The following EZR variants were observed in gnomAD, a reference collection of about 807,000 sequenced individuals.
EZR encodes the protein ezrin.
In EZR, 40 loss-of-function variants were observed where a neutral mutation model predicts 74.8. That is an observed-to-expected ratio of 0.53 (90% confidence interval 0.42 to 0.70). The LOEUF (loss-of-function observed/expected upper bound fraction) is 0.70. EZR is among the 30% of genes least tolerant of loss of function. The pLI, the probability that EZR is intolerant of heterozygous loss-of-function variation, is 0.00. For synonymous variants in EZR, 341 were observed against 283.3 expected (o/e 1.20, Z -2.05); for missense variants, 678 against 755.8 (o/e 0.90, Z 1.21).
At position 158,767,363 on chromosome 6, in the gene EZR, G is replaced by A. The variant is rs1037841551; in HGVS notation, c.1494C>T (p.Gly498=). The stretch of plus-strand genomic sequence containing the variant: ...CCTCACTAGACAGCTCCGCGCTGTA[G>A]CCCGTGGGCTCTGCGCCCTCATCCT... The part of the protein sequence containing the change: ...SLQDEGAEPT[G]YSAELSSEGI... Residue 498 remains glycine, a synonymous_variant, in exon 13 of 14, where the codon GGC becomes GGT. Transcript: ENST00000367075. 6.2e-7 allele frequency: 1 copy of A among 1,614,006 alleles called. No individual in the cohort carries two copies.
intron 2 of EZR, among the ~76,000 whole-genome samples, chr6:158,791,105 A>G (rs983888849): frequency 4.6e-5 from 7 of 152,190 alleles, no homozygotes; most frequent in African/African-American, 1.2e-4. Context: ...CCCCGTCCCA[A>G]TAACATTTAA....
At position 158,787,176 on chromosome 6, in the gene EZR, C is replaced by T. The variant is rs1362770303; in HGVS notation, c.124G>A (p.Val42Met). The change falls in exon 4 of 14, where the codon GTG becomes ATG. Residue 42 changes from valine to methionine, a missense_variant. By Grantham distance (21) the Val-to-Met change is conservative (BLOSUM62 1). Coordinates refer to ENST00000367075, the MANE Select transcript of EZR (RefSeq NM_001111077.2). ...QVVKTIGLREVWYFGLHYVDN... is the reference protein window; with the variant it reads ...QVVKTIGLREMWYFGLHYVDN... ...ACATAGTGGAGGCCAAAGTACCACA[C>T]TTCCCGGAGGCCGATAGTCTTTACC... The T allele has an allele frequency of 1.9e-6, 3 of 1,613,380 alleles. No homozygotes were observed. The highest frequency in any genetic ancestry group is 2.2e-5 in the South Asian group (2 of 91,084).
intron 2 of EZR, among the ~76,000 whole-genome samples, chr6:158,792,710 G>C (rs1791777285): frequency 6.6e-6 from 1 of 151,870 alleles, no homozygotes; most frequent in Admixed American, 6.6e-5. Context: ...AGCTACTCGG[G>C]AGGCTGAGGC....
In EZR at chr6:158,783,601, A is replaced by T; in HGVS notation, c.617T>A (p.Phe206Tyr). Reference sequence around the variant, plus strand: ...TGTTCCTTTCTTGTTTTTTATCTCGAAATAGTTGATTCCATACATTTCCAG... The same window carrying T: ...TGTTCCTTTCTTGTTTTTTATCTCGTAATAGTTGATTCCATACATTTCCAG... ...QDLEMYGINY[F>Y]EIKNKKGTDL... Residue 206 changes from phenylalanine to tyrosine, a missense_variant, in exon 7 of 14, where the codon TTC becomes TAC. By Grantham distance (22) the Phe-to-Tyr change is conservative (BLOSUM62 3). Around this residue, in one of 3 missense-constraint regions of EZR, gnomAD observed 119 missense variants for 182.3 expected, o/e 0.65. Coordinates refer to ENST00000367075, the MANE Select transcript of EZR (RefSeq NM_001111077.2). The T allele has an allele frequency of 6.2e-7, 1 of 1,613,912 alleles. No individual in the cohort carries two copies. Among genetic ancestry groups the T allele is most frequent in the South Asian group, 1.1e-5 (1 of 91,070 alleles).
In EZR at chr6:158,803,571, A is replaced by C. The variant is rs1414723852; in HGVS notation, c.13-14200T>G. ...TATATATATATATATATATATATAT[A>C]TATATATATACATATATATATATAT... is the stretch of plus-strand genomic sequence containing the variant. On this transcript the variant is annotated intron_variant, in intron 2 of 13. Coordinates refer to ENST00000367075, the MANE Select transcript of EZR (RefSeq NM_001111077.2). Among the ~76,000 whole-genome samples, 2 of 6,222 alleles carry C rather than the reference A, an allele frequency of 3.2e-4. 1 individual carries two copies. The highest frequency in any genetic ancestry group is 1.3e-3 in the African/African-American group (2 of 1,526). The allele number at this position is 6,222 out of a possible 152,430, so 4.1% of individuals were successfully genotyped here. A position where few individuals can be genotyped will look rare whatever the true frequency, so the allele number is the denominator to read the frequency against.
intron 7 of EZR, among the ~76,000 whole-genome samples, chr6:158,779,909 C>A (rs1401505221): frequency 9.4e-6 from 1 of 106,924 alleles, no homozygotes; most frequent in Non-Finnish European, 1.9e-5. Context: ...ATGGGCCAGG[C>A]ATGGTGGCTT....
rs983642702 is a variant in EZR, at chr6:158,819,310, G to A, written c.-74+7C>T. The A allele has an allele frequency of 6.6e-6, 1 of 151,790 alleles. No homozygotes were observed. Among genetic ancestry groups the A allele is most frequent in the African/African-American group, 2.4e-5 (1 of 41,128 alleles). The allele number at this position is 151,790 out of a possible 1,614,324, so 9.4% of individuals were successfully genotyped here. A position where few individuals can be genotyped will look rare whatever the true frequency, so the allele number is the denominator to read the frequency against. Reference sequence around the variant, plus strand: ...CCCGTCCCGACCCCGGCCGCCGCACGCCTCACCCGGCGCCTGCAGTGCTCC... The same window carrying A: ...CCCGTCCCGACCCCGGCCGCCGCACACCTCACCCGGCGCCTGCAGTGCTCC... On this transcript the variant is annotated splice_region_variant and intron_variant, in intron 1 of 13. Transcript: ENST00000367075.
chr6:158,767,169 G>A, intron 13 of EZR, 91 bp from the exon 14 acceptor site: 1 of 1,583,240 alleles, frequency 6.3e-7, no homozygotes, highest in Non-Finnish European at 8.6e-7. Flanking sequence ...GAGGGGTGCT[G>A]GGTGGGGCTG....
chr6:158,814,710 T>C (rs1231694239), intron 2 of EZR, among the ~76,000 whole-genome samples: 2 of 151,942 alleles, frequency 1.3e-5, no homozygotes, highest in African/African-American at 4.8e-5. Flanking sequence ...GCCCGGCTAA[T>C]TTTTGTATTT....
At chr6:158,768,334 G>A (rs1460110489) in intron 12 of EZR, among the ~76,000 whole-genome samples, 1 of 152,086 alleles carries the variant, frequency 6.6e-6, no homozygotes, top group East Asian at 1.9e-4. Context: ...GTGGGACTGT[G>A]AGTCAATTAA....
rs185899341 is a variant in EZR, at chr6:158,782,491, G to A, written c.698+1029C>T. 7.9e-5 allele frequency among the ~76,000 whole-genome samples: 12 copies of A among 152,342 alleles called. No homozygotes were observed. In the East Asian group the frequency reaches 1.5e-3, roughly 20 times the overall value. ...CTGTCATTTCAAGGAACAGCATGAG[G>A]CTGGGAAGGAAACCGGTACATCCAG... On this transcript the variant is annotated intron_variant, in intron 7 of 13. Transcript: ENST00000367075.
At position 158,793,918 on chromosome 6, in the gene EZR, C is replaced by G. The variant is rs538473207; in HGVS notation, c.13-4547G>C. 4.6e-5 allele frequency among the ~76,000 whole-genome samples: 7 copies of G among 152,328 alleles called. No homozygotes were observed. In the East Asian group the frequency reaches 1.3e-3, roughly 29 times the overall value. ...TCACCAAAATTTAAAATGAGACATTCACTGAGATGACAGGACCATTTACAT... is the reference window on the plus strand; with the variant it reads ...TCACCAAAATTTAAAATGAGACATTGACTGAGATGACAGGACCATTTACAT... On this transcript the variant is annotated intron_variant, in intron 2 of 13. Coordinates refer to ENST00000367075, the MANE Select transcript of EZR (RefSeq NM_001111077.2).
intron 2 of EZR, among the ~76,000 whole-genome samples, chr6:158,796,705 G>A (rs1437041804): frequency 6.6e-6 from 1 of 152,232 alleles, no homozygotes; most frequent in Non-Finnish European, 1.5e-5. Context: ...GGGGTTTTCT[G>A]TTTCTTCCTT....
Position 158,807,997 on chromosome 6 carries a change from T to TA in EZR, c.12+10084dup, listed in dbSNP as rs1254663517. The stretch of plus-strand genomic sequence containing the variant: ...GTCAACCAAGCAGGTGATAATCCTT[T>TA]AAAAGCCTCTTTTTGTTCACCAATG... On this transcript the variant is annotated intron_variant, in intron 2 of 13. Transcript: ENST00000367075. 2.0e-5 allele frequency among the ~76,000 whole-genome samples: 3 copies of TA among 152,230 alleles called. No individual in the cohort carries two copies. The East Asian group carries it at 5.8e-4, about 29-fold the overall frequency.
At chr6:158,814,265 G>A (rs1777505358) in intron 2 of EZR, among the ~76,000 whole-genome samples, 1 of 152,100 alleles carries the variant, frequency 6.6e-6, no homozygotes, top group African/African-American at 2.4e-5. Flanking sequence ...TCCTCCCTGT[G>A]GAGTGCTGCC....
chr6:158,770,309 G>C (rs955663570), intron 10 of EZR, among the ~76,000 whole-genome samples: 1 of 152,232 alleles, frequency 6.6e-6, no homozygotes, highest in Admixed American at 6.5e-5. Context: ...AGTGAATACA[G>C]CATCTGTGGC....
At position 158,771,325 on chromosome 6, in the gene EZR, C is replaced by T. The variant is rs775538153; in HGVS notation, c.878G>A (p.Arg293His). ...LCMGNHELYM[R>H]RRKPDTIEVQ... ...CTCGATGGTGTCAGGCTTCCTGCGG[C>T]GCATATACAACTCATGGTTGCCCAT... Residue 293 changes from arginine (R) to histidine (H), a missense_variant, in exon 9 of 14, where the codon CGC becomes CAC. Transcript: ENST00000367075. The T allele has an allele frequency of 1.1e-5, 17 of 1,614,222 alleles. No individual in the cohort carries two copies. Among genetic ancestry groups the T allele is most frequent in the East Asian group, 4.5e-5 (2 of 44,886 alleles).
intron 2 of EZR, among the ~76,000 whole-genome samples, chr6:158,807,039 G>A (rs937848422): frequency 6.6e-6 from 1 of 152,188 alleles, no homozygotes; most frequent in African/African-American, 2.4e-5. Context: ...CAGGCCAGGC[G>A]CAGTGGCTCA....
chr6:158,786,499 T>G (rs1791585811), intron 4 of EZR, among the ~76,000 whole-genome samples: 1 of 152,218 alleles, frequency 6.6e-6, no homozygotes, highest in African/African-American at 2.4e-5. Context: ...AGAACTCAAA[T>G]TTGGAAATGA....
Sources: allele counts gnomAD v4.1 joint callset (sites outside exome capture counted in the v4.1 genomes callset), GRCh38; gene constraint gnomAD v4.1.1; regional missense constraint gnomAD v4.1.1; transcripts MANE v1.5; gene names NCBI Gene and HGNC (gene_info 2026-07-23, HGNC 2026-07-21).